Variants in RANBP2 observed in about 807,000 individuals in gnomAD.
RANBP2 encodes the protein RAN binding protein 2, also known as E3 SUMO-protein ligase RanBP2.
In RANBP2, 57 loss-of-function variants were observed where a neutral mutation model predicts 303.6. That is an observed-to-expected ratio of 0.19 (90% CI 0.15 to 0.23). The LOEUF (loss-of-function observed/expected upper bound fraction) is 0.23. Ranked by LOEUF, RANBP2 falls within the 10% of genes least tolerant of loss-of-function variation. The probability of loss-of-function intolerance (pLI) is 1.00; values close to 1 mark genes in which losing one functional copy is unlikely to be tolerated. For missense variants in RANBP2, 3,138 were observed against 3,780.8 expected (o/e 0.83, Z 4.46); for synonymous variants, 1,167 against 1,301.5 (o/e 0.90, Z 2.23).
At chr2:109,187,099 C>G in the RANBP2 span, among the ~76,000 whole-genome samples, 2 of 149,802 alleles carry the variant, frequency 1.3e-5, no homozygotes, top group African/African-American at 4.8e-5. Flanking sequence ...CATGACCACA[C>G]TCTTTGCTGG....
intron 7 of RANBP2, among the ~76,000 whole-genome samples, chr2:108,741,703 G>A (rs879393272): frequency 1.3e-5 from 2 of 149,486 alleles, no homozygotes; most frequent in East Asian, 2.0e-4. Context: ...TATAAGAGAC[G>A]GGGTTTCACT....
the RANBP2 span, among the ~76,000 whole-genome samples, chr2:109,212,618 T>C: frequency 7.2e-5 from 11 of 152,330 alleles, no homozygotes; most frequent in Admixed American, 2.0e-4. Context: ...TTTGGGTTCA[T>C]TGATCTTTGT....
the RANBP2 span, among the ~76,000 whole-genome samples, chr2:109,541,437 A>C: frequency 2.0e-5 from 3 of 152,298 alleles, no homozygotes; most frequent in African/African-American, 7.2e-5. Flanking sequence ...GTATCTCTAA[A>C]GGGTTGGCCT....
the RANBP2 span, among the ~76,000 whole-genome samples, chr2:109,148,264 C>T: frequency 0.15 from 22,282 of 152,162 alleles, 2,807 homozygotes; most frequent in East Asian, 0.65. Context: ...AGATGGGCCC[C>T]GATCATGCCA....
the RANBP2 span, among the ~76,000 whole-genome samples, chr2:109,155,456 C>T: frequency 1.3e-5 from 2 of 152,258 alleles, no homozygotes; most frequent in East Asian, 3.9e-4. Flanking sequence ...GCGCCCACCA[C>T]CACGCCTGGC....
the RANBP2 span, among the ~76,000 whole-genome samples, chr2:109,324,879 C>T: frequency 6.6e-6 from 1 of 152,220 alleles, no homozygotes; most frequent in African/African-American, 2.4e-5. Flanking sequence ...CACACTGTCT[C>T]CTGGAAGGAA....
chr2:109,269,637 C>T, the RANBP2 span, among the ~76,000 whole-genome samples: 35 of 152,192 alleles, frequency 2.3e-4, no homozygotes, highest in Non-Finnish European at 4.1e-4. Context: ...AAAAAATAGC[C>T]GGACATGGTG....
At chr2:109,190,830 A>G in the RANBP2 span, among the ~76,000 whole-genome samples, 3 of 151,920 alleles carry the variant, frequency 2.0e-5, no homozygotes, top group African/African-American at 7.3e-5. Context: ...AGGAGTGTTC[A>G]ATTCAGAAAA....
chr2:109,614,801 G>A, the RANBP2 span: 123 of 1,466,604 alleles, frequency 8.4e-5, no homozygotes, highest in Non-Finnish European at 9.8e-5. Flanking sequence ...CCGAGCCCGA[G>A]GCCCCCGACG....
chr2:108,907,562 T>A, the RANBP2 span, among the ~76,000 whole-genome samples: 1 of 151,722 alleles, frequency 6.6e-6, no homozygotes, highest in Non-Finnish European at 1.5e-5. Flanking sequence ...ACAGGAGAAT[T>A]GCTTGAACCC....
chr2:109,256,009 T>C, the RANBP2 span, among the ~76,000 whole-genome samples: 1 of 152,154 alleles, frequency 6.6e-6, no homozygotes, highest in Admixed American at 6.5e-5. Context: ...TGCTTGTATG[T>C]AAATGTACAT....
the RANBP2 span, among the ~76,000 whole-genome samples, chr2:109,178,626 C>T: frequency 6.6e-6 from 1 of 152,204 alleles, no homozygotes; most frequent in African/African-American, 2.4e-5. Flanking sequence ...GACAGCAAGG[C>T]AGGGCAGTTG....
chr2:108,960,392 C>A, the RANBP2 span, among the ~76,000 whole-genome samples: 2 of 152,198 alleles, frequency 1.3e-5, no homozygotes, highest in Non-Finnish European at 2.9e-5. Flanking sequence ...TGATGAATGC[C>A]TCTATGGGTT....
chr2:108,841,771 AT>A, the RANBP2 span, among the ~76,000 whole-genome samples: 2 of 151,868 alleles, frequency 1.3e-5, no homozygotes, highest in Non-Finnish European at 2.9e-5. Context: ...CTGTAACTTT[AT>A]TTTTTTAACT....
chr2:109,167,079 C>G, the RANBP2 span, among the ~76,000 whole-genome samples: 1 of 152,142 alleles, frequency 6.6e-6, no homozygotes, highest in Non-Finnish European at 1.5e-5. Flanking sequence ...AGTGGGAACC[C>G]AGAAGTTAAA....
At chr2:109,387,060 T>A in the RANBP2 span, among the ~76,000 whole-genome samples, 1 of 152,210 alleles carries the variant, frequency 6.6e-6, no homozygotes, top group Non-Finnish European at 1.5e-5. Flanking sequence ...CCCATAATCC[T>A]ACCAGTAAAT....
chr2:109,197,562 AG>A, the RANBP2 span, among the ~76,000 whole-genome samples: 3 of 152,034 alleles, frequency 2.0e-5, no homozygotes, highest in Admixed American at 6.5e-5. Context: ...GTGGCCGGGG[AG>A]GGGTGGGAGG....
the RANBP2 span, chr2:109,129,503 C>T: frequency 2.7e-6 from 4 of 1,495,264 alleles, no homozygotes; most frequent in Admixed American, 6.3e-5. Flanking sequence ...GCCCCGGGAC[C>T]TAGGCAGCCG....
chr2:108,804,712 G>A, the RANBP2 span: 1 of 174,902 alleles, frequency 5.7e-6, no homozygotes. Flanking sequence ...TTGTTATCTT[G>A]GTAGATTGCA....
Sources: gnomAD v4.1 joint callset for allele counts (sites outside exome capture counted in the v4.1 genomes callset) on GRCh38, gnomAD v4.1.1 for gene constraint, MANE v1.5 for transcripts, NCBI Gene and HGNC (gene_info 2026-07-23, HGNC 2026-07-21) for gene names.